L3MBTL3: variants seen among roughly 807,000 people sequenced by gnomAD.
L3MBTL3 encodes lethal(3)malignant brain tumor-like protein 3.
L3MBTL3 carries 27 observed loss-of-function variants against 102.3 expected under a neutral mutation model. That is an observed-to-expected ratio of 0.26 (90% CI 0.19 to 0.36). The LOEUF (loss-of-function observed/expected upper bound fraction) is 0.36. L3MBTL3 is among the 10% of genes least tolerant of loss of function. The probability of loss-of-function intolerance (pLI) is 1.00; values close to 1 mark genes in which losing one functional copy is unlikely to be tolerated. For synonymous variants in L3MBTL3, 340 were observed against 320.9 expected (o/e 1.06, Z -0.64); for missense variants, 798 against 955.3 (o/e 0.84, Z 2.17).
intron 7 of L3MBTL3, 34 bp downstream of exon 7, chr6:130,053,025 G>T: frequency 6.5e-7 from 1 of 1,527,752 alleles, no homozygotes; most frequent in Non-Finnish European, 9.1e-7. Flanking sequence ...GGAGCACAGG[G>T]ATGCATCTTT....
rs1050505881 is a variant in L3MBTL3 at position 130,066,507 on chromosome 6, T to C, written c.1000+19T>C. 6.3e-7 allele frequency: 1 copy of C among 1,599,150 alleles called. No individual in the cohort carries two copies. Among genetic ancestry groups the C allele is most frequent in the Non-Finnish European group, 8.5e-7 (1 of 1,173,222 alleles). The stretch of plus-strand genomic sequence containing the variant: ...CCAAAAGGTTTTGTCACTTTTTGTT[T>C]GATATTTTAAATTCAGTAAAAACTC... On this transcript the variant is annotated intron_variant, in intron 11 of 22. Transcript: ENST00000361794.
At chr6:130,068,202 G>T in intron 11 of L3MBTL3, 128 bp from the exon 12 acceptor site, 1 of 574,384 alleles carries the variant, frequency 1.7e-6, no homozygotes, top group South Asian at 2.6e-5. Flanking sequence ...TGAATTATGA[G>T]TTAAATTTTG....
At chr6:130,132,370 G>A (rs1157974195) in intron 20 of L3MBTL3, among the ~76,000 whole-genome samples, 1 of 152,184 alleles carries the variant, frequency 6.6e-6, no homozygotes, top group Non-Finnish European at 1.5e-5. Context: ...AGGGTGTGCT[G>A]GCCACGTTTT....
intron 14 of L3MBTL3, 99 bp downstream of exon 14, chr6:130,078,733 G>A: frequency 1.3e-6 from 1 of 757,504 alleles, no homozygotes; most frequent in Non-Finnish European, 2.2e-6. Flanking sequence ...TGGCTTTGCA[G>A]ACCATGCAGT....
chr6:130,097,107 C>T (rs931412006), intron 18 of L3MBTL3, among the ~76,000 whole-genome samples: 1 of 152,160 alleles, frequency 6.6e-6, no homozygotes, highest in Non-Finnish European at 1.5e-5. Flanking sequence ...TCTTAGACTC[C>T]CTGACTATGC....
intron 22 of L3MBTL3, among the ~76,000 whole-genome samples, chr6:130,134,459 T>C (rs1366087457): frequency 6.6e-6 from 1 of 152,310 alleles, no homozygotes; most frequent in Non-Finnish European, 1.5e-5. Flanking sequence ...TTCAACTCCC[T>C]CTCCAAAACT....
intron 5 of L3MBTL3, among the ~76,000 whole-genome samples, chr6:130,050,843 G>A (rs1217626639): frequency 2.0e-5 from 3 of 152,146 alleles, no homozygotes; most frequent in African/African-American, 7.2e-5. Context: ...AGCCAATTAA[G>A]TAAAACAAAA....
In L3MBTL3 at chr6:130,042,699, C is replaced by T. The variant is rs1780499506; in HGVS notation, c.-1C>T. The T allele has an allele frequency of 2.5e-6, 4 of 1,606,224 alleles. No homozygotes were observed. Among genetic ancestry groups the T allele is most frequent in the African/African-American group, 1.3e-5 (1 of 74,716 alleles). ...TCCCCTTTCAGGTTAAAAAATAAAT[C>T]ATGACTGAATCTGCCTCTAGCACAA... On this transcript the variant is annotated 5_prime_UTR_variant, in exon 3 of 23. Coordinates refer to ENST00000361794, the MANE Select transcript of L3MBTL3 (RefSeq NM_032438.4).
intron 10 of L3MBTL3, among the ~76,000 whole-genome samples, chr6:130,063,877 C>T (rs1032887596): frequency 5.3e-5 from 8 of 152,256 alleles, no homozygotes; most frequent in South Asian, 2.1e-4. Flanking sequence ...ATTCCCAGTA[C>T]GAGAACTGAA....
chr6:130,069,980 C>T (rs748892391), intron 12 of L3MBTL3, among the ~76,000 whole-genome samples: 12 of 152,264 alleles, frequency 7.9e-5, no homozygotes, highest in South Asian at 4.1e-4. Context: ...TTCAGATACA[C>T]GGCTGTCTAC....
At chr6:130,054,709 T>C (rs1393487853) in intron 7 of L3MBTL3, among the ~76,000 whole-genome samples, 3 of 152,322 alleles carry the variant, frequency 2.0e-5, no homozygotes, top group Non-Finnish European at 1.5e-5. Flanking sequence ...TAGGCATTTG[T>C]CTACAGCCAC....
At chr6:130,127,574 T>C (rs936011040) in intron 20 of L3MBTL3, among the ~76,000 whole-genome samples, 2 of 152,158 alleles carry the variant, frequency 1.3e-5, no homozygotes, top group Admixed American at 6.5e-5. Flanking sequence ...AGGCAGGCCT[T>C]TATCACTAAG....
chr6:130,098,978 G>A (rs534180842), intron 18 of L3MBTL3, among the ~76,000 whole-genome samples: 3 of 144,664 alleles, frequency 2.1e-5, no homozygotes, highest in African/African-American at 7.6e-5. Flanking sequence ...TACAATTATT[G>A]TATATTGTAT....
chr6:130,109,964 C>T (rs753566375), intron 19 of L3MBTL3, among the ~76,000 whole-genome samples: 8 of 152,140 alleles, frequency 5.3e-5, no homozygotes, highest in Non-Finnish European at 1.0e-4. Flanking sequence ...AATCGTTTCC[C>T]GCTTGCTTGT....
intron 6 of L3MBTL3, among the ~76,000 whole-genome samples, chr6:130,052,374 G>A (rs1781161847): frequency 6.6e-6 from 1 of 152,156 alleles, no homozygotes; most frequent in African/African-American, 2.4e-5. Flanking sequence ...CGAAATGCTG[G>A]GATTAAAGGT....
At chr6:130,020,290 G>A (rs1456885714) in intron 1 of L3MBTL3, among the ~76,000 whole-genome samples, 1 of 151,046 alleles carries the variant, frequency 6.6e-6, no homozygotes, top group Non-Finnish European at 1.5e-5. Flanking sequence ...CAGGAGCCGA[G>A]GCATCCGCCG....
chr6:130,108,240 T>C (rs1270668352), intron 19 of L3MBTL3, among the ~76,000 whole-genome samples: 1 of 140,014 alleles, frequency 7.1e-6, no homozygotes, highest in African/African-American at 2.6e-5. Context: ...TGTTTTTTTT[T>C]TTTTTTTTTT....
chr6:130,059,693 G>A (rs1189477917), intron 9 of L3MBTL3, among the ~76,000 whole-genome samples: 1 of 152,172 alleles, frequency 6.6e-6, no homozygotes, highest in Admixed American at 6.5e-5. Context: ...TTTTCCTACA[G>A]CTTTACCAGC....
chr6:130,073,414 T>C, intron 13 of L3MBTL3, among the ~76,000 whole-genome samples: 1 of 152,182 alleles, frequency 6.6e-6, no homozygotes, highest in South Asian at 2.1e-4. Flanking sequence ...ATAACTGGGC[T>C]CCAGGCCTTT....
Sources: allele counts gnomAD v4.1 joint callset (sites outside exome capture counted in the v4.1 genomes callset), GRCh38; gene constraint gnomAD v4.1.1; transcripts MANE v1.5; gene names NCBI Gene and HGNC (gene_info 2026-07-23, HGNC 2026-07-21).